Variants in PCDHGB1 observed in about 807,000 individuals in gnomAD.
PCDHGB1 encodes protocadherin gamma subfamily B, 1, also known as protocadherin gamma-B1.
A neutral mutation model predicts 56.6 loss-of-function variants in PCDHGB1; 34 were observed. The observed-to-expected ratio is 0.60, with a 90% CI of 0.46 to 0.80. The LOEUF (loss-of-function observed/expected upper bound fraction) is 0.80, where lower values mean the gene tolerates loss of function less well. PCDHGB1 is among the 30% of genes least tolerant of loss of function. The probability of loss-of-function intolerance (pLI) is 0.00; values close to 1 mark genes in which losing one functional copy is unlikely to be tolerated. For synonymous variants in PCDHGB1, 561 were observed against 505.9 expected, an observed-to-expected ratio of 1.11 and a Z score of -1.46; for missense variants, 1,278 against 1,204.6, an observed-to-expected ratio of 1.06 and a Z score of -0.90.
chr5:141,360,173 G>A, intron 1 of PCDHGB1: 1 of 1,609,062 alleles, frequency 6.2e-7, no homozygotes, highest in African/African-American at 1.3e-5. Flanking sequence ...CTGGTGCGGT[G>A]GCTGCAGGTA....
rs1475572413 is a variant in PCDHGB1, at chr5:141,432,843, T to G, written c.2410-61964T>G. The G allele has an allele frequency of 6.2e-7, 1 of 1,614,066 alleles. No homozygotes were observed. The highest frequency in any genetic ancestry group is 8.5e-7 in the Non-Finnish European group (1 of 1,180,020). ...TCAGACCTCACTCTGTACCTGGTGGTAGCGGTGGCCGCGGTCTCCTGCGTC... is the reference window on the plus strand; with the variant it reads ...TCAGACCTCACTCTGTACCTGGTGGGAGCGGTGGCCGCGGTCTCCTGCGTC... On this transcript the variant is annotated intron_variant, in intron 1 of 3. Coordinates refer to ENST00000523390, the MANE Select transcript of PCDHGB1 (RefSeq NM_018922.3). This position sits in a 1 kb window ranked among gnomAD's most constrained non-coding sequence, Gnocchi z 6.0.
At chr5:141,494,938 G>A in intron 2 of PCDHGB1, 73 bp downstream of exon 2, 1 of 1,611,916 alleles carries the variant, frequency 6.2e-7, no homozygotes, top group South Asian at 1.1e-5. Context: ...AGGAGATGGG[G>A]GAGGGCCCAG....
chr5:141,496,932 T>G (rs1336402833), intron 2 of PCDHGB1, among the ~76,000 whole-genome samples: 1 of 148,964 alleles, frequency 6.7e-6, no homozygotes, highest in Non-Finnish European at 1.5e-5. Context: ...ACGCCTGTAA[T>G]CCCAGCACTT....
At chr5:141,372,670 A>G (rs1383646459) in intron 1 of PCDHGB1, 4 of 1,613,908 alleles carry the variant, frequency 2.5e-6, no homozygotes, top group Non-Finnish European at 3.4e-6. Flanking sequence ...GCTGCCTCAC[A>G]TTCCTCAAAC....
At position 141,432,880 on chromosome 5, in the gene PCDHGB1, C is replaced by A. The variant is rs865848752; in HGVS notation, c.2410-61927C>A. 3 of 1,614,194 alleles carry A rather than the reference C, an allele frequency of 1.9e-6. No homozygotes were observed. The highest frequency in any genetic ancestry group is 2.5e-6 in the Non-Finnish European group (3 of 1,180,008). ...CGGTCTCCTGCGTCTTCCTGGCCTT[C>A]GTCATCTTGCTGCTGGCGCTCAGGC... On this transcript the variant is annotated intron_variant, in intron 1 of 3. Coordinates refer to ENST00000523390, the MANE Select transcript of PCDHGB1 (RefSeq NM_018922.3). The surrounding 1 kb of genome is among the most constrained non-coding windows in gnomAD (Gnocchi z 6.0).
intron 1 of PCDHGB1, chr5:141,388,783 C>A: frequency 3.1e-6 from 5 of 1,613,818 alleles, no homozygotes; most frequent in South Asian, 1.1e-5. Context: ...GGGGAAATTA[C>A]TGTTTTAAAT....
At chr5:141,444,578 C>G (rs1030770037) in intron 1 of PCDHGB1, among the ~76,000 whole-genome samples, 1 of 152,134 alleles carries the variant, frequency 6.6e-6, no homozygotes, top group Non-Finnish European at 1.5e-5. Context: ...TTGACTCTTC[C>G]TTTCTACTTA....
intron 2 of PCDHGB1, among the ~76,000 whole-genome samples, chr5:141,500,035 CTT>C: frequency 6.6e-6 from 1 of 152,100 alleles, no homozygotes; most frequent in East Asian, 1.9e-4. Flanking sequence ...GTGAGTGTCT[CTT>C]AAGTATCTTA....
Position 141,487,203 on chromosome 5 carries a change from G to A in PCDHGB1, c.2410-7604G>A, listed in dbSNP as rs765707343. 6.8e-6 allele frequency: 11 copies of A among 1,613,804 alleles called. No homozygotes were observed. The highest frequency in any genetic ancestry group is 5.3e-5 in the African/African-American group (4 of 74,890). The stretch of plus-strand genomic sequence containing the variant: ...ACTCATCCAGTTGTCCCAGATCTTC[G>A]AGAATCTTCAGCTCCAAGGGAAGGA... On this transcript the variant is annotated intron_variant, in intron 1 of 3. Transcript: ENST00000523390. This position sits in a 1 kb window ranked among gnomAD's most constrained non-coding sequence, Gnocchi z 5.0.
chr5:141,477,037 G>A lies in PCDHGB1; in HGVS notation c.2410-17770G>A. ...TTGTAACCGGGATGCTGACAATCAAGGGTCGGCTGGACTTCGAGGACACCA... is the reference window on the plus strand; with the variant it reads ...TTGTAACCGGGATGCTGACAATCAAAGGTCGGCTGGACTTCGAGGACACCA... On this transcript the variant is annotated intron_variant, in intron 1 of 3. Coordinates refer to ENST00000523390, the MANE Select transcript of PCDHGB1 (RefSeq NM_018922.3). This position sits in a 1 kb window ranked among gnomAD's most constrained non-coding sequence, Gnocchi z 4.9. 6.2e-7 allele frequency: 1 copy of A among 1,614,266 alleles called. No individual in the cohort carries two copies. The highest frequency in any genetic ancestry group is 8.5e-7 in the Non-Finnish European group (1 of 1,180,052).
At chr5:141,413,065 T>A (rs2095601710) in intron 1 of PCDHGB1, 2 of 1,159,986 alleles carry the variant, frequency 1.7e-6, no homozygotes, top group African/African-American at 3.1e-5. Flanking sequence ...CTCCAGAATT[T>A]AAAGTGCCCA....
intron 1 of PCDHGB1, among the ~76,000 whole-genome samples, chr5:141,480,272 G>T (rs903112862): frequency 7.2e-6 from 1 of 138,796 alleles, no homozygotes; most frequent in Non-Finnish European, 1.5e-5. Flanking sequence ...TTCATTAGCT[G>T]GGTGTGTTGG....
At chr5:141,470,961 C>T (rs1447105252) in intron 1 of PCDHGB1, among the ~76,000 whole-genome samples, 1 of 152,036 alleles carries the variant, frequency 6.6e-6, no homozygotes, top group Non-Finnish European at 1.5e-5. Context: ...AAGTGATCCT[C>T]CCACCTCAGC....
rs935078369 is a variant in PCDHGB1 at position 141,351,524 on chromosome 5, G to C, written c.1264G>C (p.Asp422His). 1 of 1,613,998 alleles carries C rather than the reference G, an allele frequency of 6.2e-7. No homozygotes were observed. Among genetic ancestry groups the C allele is most frequent in the African/African-American group, 1.3e-5 (1 of 75,056 alleles). ...ADYNVTIIATDKGKPALSSRT... is the reference protein window; with the variant it reads ...ADYNVTIIATHKGKPALSSRT... ...CTACAACGTCACAATCATAGCCACC[G>C]ACAAGGGCAAACCAGCCCTTTCCTC... The change falls in exon 1 of 4, where the codon GAC becomes CAC. Residue 422 changes from aspartate (D) to histidine (H), a missense_variant. Coordinates refer to ENST00000523390, the MANE Select transcript of PCDHGB1 (RefSeq NM_018922.3).
intron 1 of PCDHGB1, chr5:141,424,694 T>C (rs2096834568): frequency 6.6e-6 from 1 of 152,252 alleles, no homozygotes; most frequent in East Asian, 1.9e-4. Flanking sequence ...TCTGGCTATT[T>C]TTTTGTTCAT....
At chr5:141,506,699 C>T (rs758682427) in intron 3 of PCDHGB1, among the ~76,000 whole-genome samples, 2 of 152,094 alleles carry the variant, frequency 1.3e-5, no homozygotes, top group Non-Finnish European at 2.9e-5. Flanking sequence ...GACCCAAACC[C>T]GTTTTTTACT....
rs1467125550 is a variant in PCDHGB1 at position 141,511,799 on chromosome 5, T to G, written c.*626T>G. 6.4e-6 allele frequency: 1 copy of G among 157,228 alleles called. No homozygotes were observed. The highest frequency in any genetic ancestry group is 1.4e-5 in the Non-Finnish European group (1 of 70,874). 9.7% of individuals were successfully genotyped at this position (157,228 alleles called of 1,614,324 possible). ...TGCTTGCTGGATTTAGGGAGGGCAT[T>G]TTGCTACCAAGCCTCTTCCCAACGC... On this transcript the variant is annotated 3_prime_UTR_variant, in exon 4 of 4. Coordinates refer to ENST00000523390, the MANE Select transcript of PCDHGB1 (RefSeq NM_018922.3).
Position 141,485,267 on chromosome 5 carries a change from C to T in PCDHGB1, c.2410-9540C>T, listed in dbSNP as rs767229426. On this transcript the variant is annotated intron_variant, in intron 1 of 3. Transcript: ENST00000523390. This position sits in a 1 kb window ranked among gnomAD's most constrained non-coding sequence, Gnocchi z 5.7. ...CCTGGGTTACGTTTGTGGGCAGATC[C>T]GCTACCCGGTCCCAGAGGAGTCACA... is the stretch of plus-strand genomic sequence containing the variant. 6.2e-7 allele frequency: 1 copy of T among 1,614,088 alleles called. No homozygotes were observed. Among genetic ancestry groups the T allele is most frequent in the South Asian group, 1.1e-5 (1 of 91,082 alleles).
intron 1 of PCDHGB1, chr5:141,371,841 C>T: frequency 6.2e-7 from 1 of 1,613,716 alleles, no homozygotes; most frequent in Non-Finnish European, 8.5e-7. Context: ...CGACTTGGGA[C>T]CTAATGGCCT....
Sources: gnomAD v4.1 joint callset for allele counts (sites outside exome capture counted in the v4.1 genomes callset) on GRCh38, gnomAD v4.1.1 for gene constraint, Gnocchi (gnomAD v3.1) non-coding constraint, MANE v1.5 for transcripts, NCBI Gene and HGNC (gene_info 2026-07-23, HGNC 2026-07-21) for gene names.